The following NR2C1 variants were observed in gnomAD, a reference collection of about 807,000 sequenced individuals.
NR2C1 encodes the protein TR2 nuclear hormone receptor.
NR2C1 carries 33 observed loss-of-function variants against 74.8 expected under a neutral mutation model. The ratio of observed to expected loss-of-function variants is 0.44; its 90% CI spans 0.33 to 0.59. The LOEUF is 0.59. Among genes scored for constraint, NR2C1 ranks in the 20% least tolerant of loss-of-function variants. The pLI is 0.02. For synonymous variants in NR2C1, 225 were observed against 240.6 expected (o/e 0.94, Z 0.60); for missense variants, 568 against 715.6 (o/e 0.79, Z 2.35).
At chr12:95,040,382 C>G in intron 10 of NR2C1, 94 bp downstream of exon 10, 1 of 1,220,978 alleles carries the variant, frequency 8.2e-7, no homozygotes, top group African/African-American at 1.5e-5. Flanking sequence ...ACTGTTTTTT[C>G]CTTTAATGCA....
At chr12:95,059,470 G>A (rs1874416824) in intron 4 of NR2C1, among the ~76,000 whole-genome samples, 2 of 152,072 alleles carry the variant, frequency 1.3e-5, no homozygotes, top group Non-Finnish European at 1.5e-5. Flanking sequence ...ACTTTGGGAG[G>A]CCAAGGAGGG....
chr12:95,068,729 G>A (rs553136174), intron 1 of NR2C1, among the ~76,000 whole-genome samples: 4 of 152,090 alleles, frequency 2.6e-5, no homozygotes, highest in Non-Finnish European at 4.4e-5. Flanking sequence ...GGGAGGCGGA[G>A]GTTGCGGTGA....
chr12:95,054,634 AT>A (rs1472308592), intron 7 of NR2C1, among the ~76,000 whole-genome samples: 1 of 152,070 alleles, frequency 6.6e-6, no homozygotes, highest in Non-Finnish European at 1.5e-5. Flanking sequence ...GCCCCAAGAA[AT>A]TTTCTTATAT....
At chr12:95,031,312 C>G (rs777903256) in intron 11 of NR2C1, 37 bp downstream of exon 11, 2 of 1,497,626 alleles carry the variant, frequency 1.3e-6, no homozygotes, top group Non-Finnish European at 1.8e-6. Flanking sequence ...CATGCCTCCT[C>G]CTACAACCTG....
At chr12:95,044,269 T>C (rs1871999967) in intron 9 of NR2C1, among the ~76,000 whole-genome samples, 1 of 151,974 alleles carries the variant, frequency 6.6e-6, no homozygotes, top group African/African-American at 2.4e-5. Flanking sequence ...CTGCGTGATA[T>C]AGCTTTTTTT....
chr12:95,058,579 T>A, intron 4 of NR2C1, 90 bp from the exon 5 acceptor site: 1 of 1,008,944 alleles, frequency 9.9e-7, no homozygotes, highest in Non-Finnish European at 1.5e-6. Flanking sequence ...AAACAACATA[T>A]AAGATGAAAC....
At chr12:95,050,008 A>C (rs1357095433) in intron 8 of NR2C1, among the ~76,000 whole-genome samples, 2 of 152,034 alleles carry the variant, frequency 1.3e-5, no homozygotes, top group East Asian at 3.9e-4. Flanking sequence ...CTATGTTGCT[A>C]AGGCTGGTCT....
chr12:95,062,612 T>C lies in NR2C1; in HGVS notation c.181A>G (p.Arg61Gly). 2 of 1,614,202 alleles carry C rather than the reference T, an allele frequency of 1.2e-6. No individual in the cohort carries two copies. Among genetic ancestry groups the C allele is most frequent in the East Asian group, 4.5e-5 (2 of 44,888 alleles). The change falls in exon 3 of 14, where the codon AGG becomes GGG. Residue 61 changes from arginine (R) to glycine (G), a missense_variant. By Grantham distance (125) the Arg-to-Gly change is moderately radical. Transcript: ENST00000333003. ...ACTTTTCCCGGAGTGGAATCTTGCC[T>C]GGCCAGAATGACTTTGCTTGGAGTA... Reference protein sequence around the residue: ...GSTPSKVILARQDSTPGKVFL... With the variant: ...GSTPSKVILAGQDSTPGKVFL...
chr12:95,062,892 A>G (rs1875011337), intron 2 of NR2C1, 154 bp from the exon 3 acceptor site: 1 of 627,158 alleles, frequency 1.6e-6, no homozygotes, highest in South Asian at 2.0e-5. Context: ...TCTATCCTAC[A>G]GAAATAAACA....
At chr12:95,031,147 C>T (rs932265972) in intron 11 of NR2C1, among the ~76,000 whole-genome samples, 1 of 152,118 alleles carries the variant, frequency 6.6e-6, no homozygotes, top group African/African-American at 2.4e-5. Flanking sequence ...ATACTGTTTT[C>T]AATTTTGTTG....
rs1426668753 is a variant in NR2C1 at position 95,057,554 on chromosome 12, T to G, written c.782A>C (p.Lys261Thr). Residue 261 changes from lysine to threonine, a missense_variant and splice_region_variant, in exon 7 of 14, where the codon AAG becomes ACG. Lys to Thr is a moderately conservative substitution (Grantham distance 78). Around this residue, in one of 6 missense-constraint regions of NR2C1, gnomAD observed 239 missense variants for 232.3 expected, o/e 1.03. Transcript: ENST00000333003. ...TESAVLMTSD[K>T]AESCQGDLST... ...AGCTTTAAATTGTACTAAACACACCTTATCTGATGTCATCAGCACAGCTGA... is the reference window on the plus strand; with the variant it reads ...AGCTTTAAATTGTACTAAACACACCGTATCTGATGTCATCAGCACAGCTGA... 1 of 1,603,880 alleles carries G rather than the reference T, an allele frequency of 6.2e-7. No individual in the cohort carries two copies. The highest frequency in any genetic ancestry group is 1.1e-5 in the South Asian group (1 of 89,678).
At chr12:95,055,913 A>G (rs1873769115) in intron 7 of NR2C1, among the ~76,000 whole-genome samples, 1 of 141,324 alleles carries the variant, frequency 7.1e-6, no homozygotes, top group African/African-American at 2.6e-5. Flanking sequence ...AGATCGGGAC[A>G]CTGCACTCCA....
chr12:95,067,512 G>T, intron 1 of NR2C1, 121 bp from the exon 2 acceptor site: 1 of 779,882 alleles, frequency 1.3e-6, no homozygotes, highest in East Asian at 2.8e-5. Flanking sequence ...AAGGTGGGAG[G>T]GTTGGCTTTT....
In NR2C1 at chr12:95,059,796, TCTTA is replaced by T. The variant is rs1222035926; in HGVS notation, c.364+106_364+109del. 1.8e-5 allele frequency: 13 copies of T among 741,470 alleles called. No individual in the cohort carries two copies. The South Asian group carries it at 2.1e-4, about 12-fold the overall frequency. 45.9% of individuals were successfully genotyped at this position (741,470 alleles called of 1,614,324 possible). A position where few individuals can be genotyped will look rare whatever the true frequency, so the allele number is the denominator to read the frequency against. ...AAACGACATACTCCTTTATTTCTCT[TCTTA>T]CTTTTAGTAGAAGAAACATGGTAGT... On this transcript the variant is annotated intron_variant, in intron 4 of 13. Coordinates refer to ENST00000333003, the MANE Select transcript of NR2C1 (RefSeq NM_003297.4).
intron 9 of NR2C1, among the ~76,000 whole-genome samples, chr12:95,045,825 A>G (rs1027271145): frequency 6.6e-6 from 1 of 152,094 alleles, no homozygotes; most frequent in African/African-American, 2.4e-5. Context: ...AAAATTATGA[A>G]GTTTAATAAA....
At chr12:95,051,023 A>C (rs1028890034) in intron 8 of NR2C1, among the ~76,000 whole-genome samples, 1 of 152,198 alleles carries the variant, frequency 6.6e-6, no homozygotes, top group Non-Finnish European at 1.5e-5. Flanking sequence ...CACATTTCTA[A>C]TCTTCTAATA....
chr12:95,032,639 A>G (rs949251880), intron 10 of NR2C1, among the ~76,000 whole-genome samples: 4 of 152,132 alleles, frequency 2.6e-5, no homozygotes, highest in African/African-American at 4.8e-5. Context: ...TATACGTCCT[A>G]TATCTTGCTC....
chr12:95,052,949 T>C (rs1252342403), intron 7 of NR2C1, among the ~76,000 whole-genome samples: 1 of 152,122 alleles, frequency 6.6e-6, no homozygotes, highest in Non-Finnish European at 1.5e-5. Flanking sequence ...TCACTGGAGT[T>C]GAAAACTCTC....
intron 4 of NR2C1, among the ~76,000 whole-genome samples, chr12:95,059,638 G>A (rs1163530133): frequency 1.3e-5 from 2 of 152,178 alleles, no homozygotes; most frequent in African/African-American, 4.8e-5. Flanking sequence ...TTGAATCCAG[G>A]AGGTAGAGGC....
Sources: allele counts gnomAD v4.1 joint callset (sites outside exome capture counted in the v4.1 genomes callset), GRCh38; gene constraint gnomAD v4.1.1; regional missense constraint gnomAD v4.1.1; transcripts MANE v1.5; gene names NCBI Gene and HGNC (gene_info 2026-07-23, HGNC 2026-07-21).